Variants in TNFSF4 observed in about 807,000 individuals in gnomAD.
TNFSF4 encodes the protein tumor necrosis factor ligand superfamily member 4.
Under a neutral mutation model 7.3 loss-of-function variants are expected in TNFSF4, and 4 were observed. The ratio of observed to expected loss-of-function variants is 0.55; its 90% CI spans 0.27 to 1.25. The LOEUF is 1.25. Among genes scored for constraint, TNFSF4 ranks in the 50% most tolerant of loss-of-function variants. The pLI, the probability that TNFSF4 is intolerant of heterozygous loss-of-function variation, is 0.12. For missense variants in TNFSF4, 181 were observed against 208.8 expected, an observed-to-expected ratio of 0.87 and a Z score of 0.82; for synonymous variants, 76 against 83.7, an observed-to-expected ratio of 0.91 and a Z score of 0.50.
the TNFSF4 span, among the ~76,000 whole-genome samples, chr1:173,249,780 T>C: frequency 2.3e-4 from 35 of 152,208 alleles, no homozygotes; most frequent in African/African-American, 8.2e-4. Flanking sequence ...TTAGTAAAAA[T>C]GGAGATAATA....
At chr1:173,218,616 T>A in the TNFSF4 span, among the ~76,000 whole-genome samples, 4 of 151,600 alleles carry the variant, frequency 2.6e-5, no homozygotes, top group South Asian at 8.3e-4. Context: ...AAAAAAAAAA[T>A]TCCCTACTTC....
chr1:173,257,397 T>G, the TNFSF4 span, among the ~76,000 whole-genome samples: 1 of 152,128 alleles, frequency 6.6e-6, no homozygotes, highest in Admixed American at 6.5e-5. Flanking sequence ...CTACCCAGAG[T>G]TGGGCCAAAC....
At chr1:173,290,446 T>G in the TNFSF4 span, among the ~76,000 whole-genome samples, 6 of 152,202 alleles carry the variant, frequency 3.9e-5, no homozygotes, top group Non-Finnish European at 7.3e-5. Flanking sequence ...ACTATTCTTA[T>G]GTTGGATAAA....
the TNFSF4 span, among the ~76,000 whole-genome samples, chr1:173,217,373 C>T: frequency 1.2e-4 from 18 of 152,154 alleles, no homozygotes; most frequent in Admixed American, 1.2e-3. Context: ...ACACTCTGGG[C>T]AAAAGTCAGA....
chr1:173,237,439 T>C, the TNFSF4 span, among the ~76,000 whole-genome samples: 1 of 152,172 alleles, frequency 6.6e-6, no homozygotes, highest in Non-Finnish European at 1.5e-5. Context: ...ACAAAAGGCA[T>C]GCAAATAGGA....
At chr1:173,317,739 G>A in the TNFSF4 span, among the ~76,000 whole-genome samples, 3 of 152,188 alleles carry the variant, frequency 2.0e-5, no homozygotes, top group Admixed American at 1.3e-4. Flanking sequence ...GTTCAATTCT[G>A]ATACTAACTG....
chr1:173,318,468 C>T, the TNFSF4 span, among the ~76,000 whole-genome samples: 15 of 152,134 alleles, frequency 9.9e-5, no homozygotes, highest in African/African-American at 2.9e-4. Flanking sequence ...TGGAGCAAAG[C>T]AAGGTAGGCA....
At chr1:173,333,054 A>G in the TNFSF4 span, among the ~76,000 whole-genome samples, 3 of 152,340 alleles carry the variant, frequency 2.0e-5, no homozygotes, top group African/African-American at 7.2e-5. Context: ...ATGCGATATC[A>G]CGCAGTGGCC....
At chr1:173,336,516 A>G in the TNFSF4 span, among the ~76,000 whole-genome samples, 5 of 152,172 alleles carry the variant, frequency 3.3e-5, no homozygotes. Context: ...CACCAGAAGT[A>G]GTTTCAAGCA....
At chr1:173,295,563 A>G in the TNFSF4 span, among the ~76,000 whole-genome samples, 1 of 152,100 alleles carries the variant, frequency 6.6e-6, no homozygotes, top group South Asian at 2.1e-4. Flanking sequence ...TTCAGTCAAA[A>G]TTGTGTAAGC....
chr1:173,354,047 A>G, the TNFSF4 span, among the ~76,000 whole-genome samples: 2 of 152,210 alleles, frequency 1.3e-5, no homozygotes, highest in Non-Finnish European at 2.9e-5. Flanking sequence ...AAGGTCAACA[A>G]ATCTAGGAGG....
At chr1:173,255,009 C>T in the TNFSF4 span, among the ~76,000 whole-genome samples, 1 of 152,238 alleles carries the variant, frequency 6.6e-6, no homozygotes, top group East Asian at 1.9e-4. Context: ...GAGTCCCACC[C>T]TTAGAGATTC....
the TNFSF4 span, among the ~76,000 whole-genome samples, chr1:173,303,881 G>A: frequency 2.6e-5 from 4 of 151,836 alleles, no homozygotes; most frequent in African/African-American, 9.7e-5. Context: ...ATATAAGTAA[G>A]TCACCCTTTT....
At chr1:173,393,239 T>C in the TNFSF4 span, among the ~76,000 whole-genome samples, 1 of 152,228 alleles carries the variant, frequency 6.6e-6, no homozygotes, top group South Asian at 2.1e-4. Context: ...CTGCCTTCTA[T>C]GTGTATCCCA....
the TNFSF4 span, among the ~76,000 whole-genome samples, chr1:173,310,792 T>A: frequency 3.3e-5 from 5 of 152,010 alleles, no homozygotes; most frequent in Middle Eastern, 3.4e-3. Context: ...TCTGATATTT[T>A]AATACTTACG....
the TNFSF4 span, among the ~76,000 whole-genome samples, chr1:173,273,964 C>T: frequency 6.6e-6 from 1 of 151,966 alleles, no homozygotes; most frequent in Non-Finnish European, 1.5e-5. Flanking sequence ...TTTCTAATTA[C>T]AAAAGTGAGA....
the TNFSF4 span, among the ~76,000 whole-genome samples, chr1:173,320,706 C>A: frequency 6.6e-6 from 1 of 152,140 alleles, no homozygotes; most frequent in Non-Finnish European, 1.5e-5. Context: ...AGAGCCAGAT[C>A]ATGAGTGAAC....
At chr1:173,257,999 T>G in the TNFSF4 span, among the ~76,000 whole-genome samples, 3 of 152,278 alleles carry the variant, frequency 2.0e-5, no homozygotes, top group Non-Finnish European at 4.4e-5. Context: ...GGAGTCAAAG[T>G]AAGTCAGCTT....
chr1:173,189,141 T>C (rs147409133), intron 1 of TNFSF4, among the ~76,000 whole-genome samples: 179 of 152,346 alleles, frequency 1.2e-3, no homozygotes, highest in African/African-American at 3.9e-3. Flanking sequence ...CTGAGATCTG[T>C]CCGCATTTCT....
Sources: gnomAD v4.1 joint callset for allele counts (sites outside exome capture counted in the v4.1 genomes callset) on GRCh38, gnomAD v4.1.1 for gene constraint, MANE v1.5 for transcripts, NCBI Gene and HGNC (gene_info 2026-07-23, HGNC 2026-07-21) for gene names.